Variants in CDH4 observed in about 807,000 individuals in gnomAD.
CDH4 encodes the protein cadherin-4.
Under a neutral mutation model 86.0 loss-of-function variants are expected in CDH4, and 33 were observed. The observed-to-expected ratio is 0.38, with a 90% CI of 0.29 to 0.51. CDH4 has a LOEUF of 0.51. Among genes scored for constraint, CDH4 ranks in the 20% least tolerant of loss-of-function variants. The probability of loss-of-function intolerance (pLI) is 0.86; values close to 1 mark genes in which losing one functional copy is unlikely to be tolerated. For missense variants in CDH4, 1,114 were observed against 1,307.4 expected, an observed-to-expected ratio of 0.85 and a Z score of 2.28; for synonymous variants, 555 against 549.4, an observed-to-expected ratio of 1.01 and a Z score of -0.14.
At chr20:61,537,749 A>G (rs2086008358) in intron 2 of CDH4, among the ~76,000 whole-genome samples, 1 of 152,142 alleles carries the variant, frequency 6.6e-6, no homozygotes, top group Non-Finnish European at 1.5e-5. Context: ...GGGAGTTAAC[A>G]AGCCGGGTCT....
rs575169269 is a variant in CDH4, at chr20:61,355,606, A to T, written c.169+100669A>T. ...TCAGCCTGGTTTTCTGGTCTGAGAGAAAAAAACAGAGGCAGCTTAAGACAT... is the reference window on the plus strand; with the variant it reads ...TCAGCCTGGTTTTCTGGTCTGAGAGTAAAAAACAGAGGCAGCTTAAGACAT... On this transcript the variant is annotated intron_variant, in intron 2 of 15. Coordinates refer to ENST00000614565, the MANE Select transcript of CDH4 (RefSeq NM_001794.5). 2.0e-5 allele frequency among the ~76,000 whole-genome samples: 3 copies of T among 152,338 alleles called. No homozygotes were observed. In the South Asian group the frequency reaches 6.2e-4, roughly 32 times the overall value.
At chr20:61,554,372 A>G (rs1390100968) in intron 2 of CDH4, among the ~76,000 whole-genome samples, 1 of 152,170 alleles carries the variant, frequency 6.6e-6, no homozygotes, top group East Asian at 1.9e-4. Context: ...GTGGGCAAAG[A>G]CCCAGAGCCA....
intron 12 of CDH4, among the ~76,000 whole-genome samples, chr20:61,928,957 T>C (rs1279276676): frequency 6.6e-6 from 1 of 152,242 alleles, no homozygotes; most frequent in Non-Finnish European, 1.5e-5. Context: ...TTTCCATTTG[T>C]ATATCCTGAT....
chr20:61,303,318 T>C (rs895469084), intron 2 of CDH4, among the ~76,000 whole-genome samples: 2 of 152,178 alleles, frequency 1.3e-5, no homozygotes, highest in African/African-American at 4.8e-5. Flanking sequence ...TGGGGTGGCC[T>C]TCCTGCTGCT....
At chr20:61,320,908 C>G (rs2084504540) in intron 2 of CDH4, among the ~76,000 whole-genome samples, 1 of 152,032 alleles carries the variant, frequency 6.6e-6, no homozygotes, top group African/African-American at 2.4e-5. Flanking sequence ...GCGGGGTGCA[C>G]AGGCTCCAGG....
At chr20:61,376,511 A>T (rs1424380989) in intron 2 of CDH4, among the ~76,000 whole-genome samples, 1 of 152,102 alleles carries the variant, frequency 6.6e-6, no homozygotes. Context: ...ACTGAGAGGG[A>T]CATGGTGAGG....
intron 3 of CDH4, among the ~76,000 whole-genome samples, chr20:61,765,790 G>T (rs371281981): frequency 2.0e-5 from 3 of 152,080 alleles, no homozygotes; most frequent in Non-Finnish European, 4.4e-5. Flanking sequence ...GCCTGTGGGG[G>T]CAAGGGGACT....
rs2055246141 is a variant in CDH4 at position 61,940,145 on chromosome 20, G to A, written c.*3202G>A. 2.0e-5 allele frequency: 3 copies of A among 152,222 alleles called. No individual in the cohort carries two copies. Among genetic ancestry groups the A allele is most frequent in the African/African-American group, 7.2e-5 (3 of 41,458 alleles). The allele number at this position is 152,222 out of a possible 1,614,324, so 9.4% of individuals were successfully genotyped here. A position where few individuals can be genotyped will look rare whatever the true frequency, so the allele number is the denominator to read the frequency against. On this transcript the variant is annotated 3_prime_UTR_variant, in exon 16 of 16. Coordinates refer to ENST00000614565, the MANE Select transcript of CDH4 (RefSeq NM_001794.5). ...CCAGACACACGTGACCCAGCTCGTG[G>A]CGCCGTGGGTCCGTAGGAGGGACAG...
intron 2 of CDH4, among the ~76,000 whole-genome samples, chr20:61,585,905 TGTG>T (rs1161696346): frequency 2.1e-5 from 3 of 143,564 alleles, no homozygotes; most frequent in African/African-American, 7.9e-5. Flanking sequence ...TGGTGCTGAT[TGTG>T]GTGATGCGGA....
At chr20:61,492,690 G>T (rs779041810) in intron 2 of CDH4, among the ~76,000 whole-genome samples, 15 of 152,214 alleles carry the variant, frequency 9.9e-5, no homozygotes, top group Non-Finnish European at 1.8e-4. Flanking sequence ...CTTTCATGGA[G>T]CTCACAGTCT....
intron 2 of CDH4, among the ~76,000 whole-genome samples, chr20:61,545,891 G>T (rs2086075933): frequency 6.7e-6 from 1 of 149,980 alleles, no homozygotes; most frequent in Non-Finnish European, 1.5e-5. Flanking sequence ...TACGGTATGT[G>T]TTCGTATGTG....
intron 2 of CDH4, among the ~76,000 whole-genome samples, chr20:61,533,856 G>T (rs541067894): frequency 6.6e-6 from 1 of 152,188 alleles, no homozygotes; most frequent in Non-Finnish European, 1.5e-5. Flanking sequence ...CTCAATATGG[G>T]ACCAAAGATG....
intron 2 of CDH4, among the ~76,000 whole-genome samples, chr20:61,445,032 T>C (rs2085340695): frequency 6.6e-6 from 1 of 152,164 alleles, no homozygotes; most frequent in South Asian, 2.1e-4. Flanking sequence ...TGTGTATCTC[T>C]GTGTGCGTGC....
intron 2 of CDH4, among the ~76,000 whole-genome samples, chr20:61,444,275 A>ATATT (rs2085331143): frequency 6.9e-4 from 1 of 1,446 alleles, no homozygotes; most frequent in Admixed American, 6.8e-3. Context: ...GTGTGTGTGT[A>ATATT]TGTGTATGTA....
chr20:61,852,954 C>A, intron 6 of CDH4, 56 bp downstream of exon 6: 1 of 1,575,982 alleles, frequency 6.3e-7, no homozygotes, highest in Non-Finnish European at 8.7e-7. Context: ...GGGTGCAGCA[C>A]AGGCCCTGAG....
chr20:61,629,703 C>T (rs1004415427), intron 2 of CDH4, among the ~76,000 whole-genome samples: 3 of 152,182 alleles, frequency 2.0e-5, no homozygotes, highest in Middle Eastern at 3.2e-3. Context: ...TCTAGGAGCC[C>T]CAGACAAGCT....
At chr20:61,410,017 A>G (rs1205692111) in intron 2 of CDH4, among the ~76,000 whole-genome samples, 1 of 152,230 alleles carries the variant, frequency 6.6e-6, no homozygotes, top group African/African-American at 2.4e-5. Context: ...CAGGGTGTAC[A>G]GTGCAGCTCA....
intron 2 of CDH4, among the ~76,000 whole-genome samples, chr20:61,264,027 G>A (rs1236198516): frequency 6.6e-6 from 1 of 152,104 alleles, no homozygotes; most frequent in Non-Finnish European, 1.5e-5. Context: ...CCCGTTGCAA[G>A]ACTCTTAATT....
chr20:61,809,733 C>T (rs1212236229), intron 4 of CDH4, among the ~76,000 whole-genome samples: 4 of 152,168 alleles, frequency 2.6e-5, no homozygotes, highest in African/African-American at 9.7e-5. Flanking sequence ...CTAACCAGGG[C>T]GGTGTTTTTC....
Sources: gnomAD v4.1 joint callset for allele counts (sites outside exome capture counted in the v4.1 genomes callset) on GRCh38, gnomAD v4.1.1 for gene constraint, MANE v1.5 for transcripts, NCBI Gene and HGNC (gene_info 2026-07-23, HGNC 2026-07-21) for gene names.